Variants in CCDC178 observed in about 807,000 individuals in gnomAD.
The protein encoded by CCDC178 is coiled-coil domain containing 178, also known as coiled-coil domain-containing protein 178.
In CCDC178, 126 loss-of-function variants were observed where a neutral mutation model predicts 117.4. The observed-to-expected ratio is 1.07, with a 90% confidence interval of 0.93 to 1.24. The LOEUF is 1.24. Among genes scored for constraint, CCDC178 ranks in the 50% most tolerant of loss-of-function variants. CCDC178 has a pLI of 0.00. For missense variants in CCDC178, 1,030 were observed against 986.9 expected (o/e 1.04, Z -0.59); for synonymous variants, 283 against 313.4 (o/e 0.90, Z 1.02).
chr18:33,068,469 C>T (rs2057056877), intron 21 of CCDC178, among the ~76,000 whole-genome samples: 1 of 152,050 alleles, frequency 6.6e-6, no homozygotes, highest in Non-Finnish European at 1.5e-5. Context: ...AGATAATATA[C>T]CGTGATCAAG....
intron 20 of CCDC178, among the ~76,000 whole-genome samples, chr18:33,209,848 G>T (rs1163599240): frequency 1.3e-5 from 2 of 151,954 alleles, no homozygotes; most frequent in Non-Finnish European, 2.9e-5. Context: ...TTAAGTGCTA[G>T]AAAGCAATAG....
chr18:32,982,904 G>A (rs752518079), intron 21 of CCDC178, among the ~76,000 whole-genome samples: 3 of 152,144 alleles, frequency 2.0e-5, no homozygotes, highest in South Asian at 2.1e-4. Flanking sequence ...GCCATTATAC[G>A]TTTGTCCAAA....
At chr18:33,224,655 G>A in intron 17 of CCDC178, 120 bp downstream of exon 17, 1 of 563,034 alleles carries the variant, frequency 1.8e-6, no homozygotes, top group Admixed American at 4.1e-5. Flanking sequence ...TCCTGAAATA[G>A]TTACTTAGTT....
At chr18:33,186,968 A>C (rs1462262037) in intron 20 of CCDC178, among the ~76,000 whole-genome samples, 1 of 152,014 alleles carries the variant, frequency 6.6e-6, no homozygotes, top group Non-Finnish European at 1.5e-5. Flanking sequence ...GAACTGCCTG[A>C]GACTGGGTAA....
At chr18:32,991,224 C>A (rs954870757) in intron 21 of CCDC178, among the ~76,000 whole-genome samples, 1 of 152,174 alleles carries the variant, frequency 6.6e-6, no homozygotes, top group Non-Finnish European at 1.5e-5. Flanking sequence ...TGTCTGACTT[C>A]ATATCCTATC....
At chr18:33,246,663 A>G (rs2059552545) in intron 14 of CCDC178, among the ~76,000 whole-genome samples, 2 of 151,848 alleles carry the variant, frequency 1.3e-5, no homozygotes, top group South Asian at 2.1e-4. Context: ...GAAGAAGCAT[A>G]AAACTAGCTG....
chr18:33,244,272 C>G (rs1490887424), intron 15 of CCDC178, among the ~76,000 whole-genome samples: 1 of 151,718 alleles, frequency 6.6e-6, no homozygotes, highest in Non-Finnish European at 1.5e-5. Context: ...AAGAAAATAG[C>G]AAAGACAGGA....
At chr18:33,307,668 G>A (rs750876884) in intron 11 of CCDC178, among the ~76,000 whole-genome samples, 3 of 152,172 alleles carry the variant, frequency 2.0e-5, no homozygotes, top group Non-Finnish European at 4.4e-5. Flanking sequence ...TTACAGGTCT[G>A]GAGGCCTAGG....
chr18:33,355,674 G>A (rs913667687), intron 7 of CCDC178, among the ~76,000 whole-genome samples: 2 of 152,150 alleles, frequency 1.3e-5, no homozygotes, highest in Non-Finnish European at 2.9e-5. Flanking sequence ...ATTTTCGTCT[G>A]GTTAATGCTT....
intron 3 of CCDC178, among the ~76,000 whole-genome samples, chr18:33,399,113 T>C (rs1003351440): frequency 4.0e-5 from 6 of 151,898 alleles, no homozygotes; most frequent in African/African-American, 1.5e-4. Flanking sequence ...GACAAGACAA[T>C]TGCTTGAACC....
At chr18:33,244,019 C>T (rs188005075) in intron 15 of CCDC178, among the ~76,000 whole-genome samples, 1 of 151,994 alleles carries the variant, frequency 6.6e-6, no homozygotes, top group Non-Finnish European at 1.5e-5. Flanking sequence ...TTTGCTTACT[C>T]ACTTATCTCA....
At chr18:33,127,144 T>C (rs1031323536) in intron 20 of CCDC178, among the ~76,000 whole-genome samples, 3 of 151,916 alleles carry the variant, frequency 2.0e-5, no homozygotes, top group Non-Finnish European at 4.4e-5. Flanking sequence ...TTTTTTAGAT[T>C]TATTTGCTTT....
intron 4 of CCDC178, among the ~76,000 whole-genome samples, chr18:33,395,261 T>C (rs1451201279): frequency 1.3e-5 from 2 of 151,810 alleles, no homozygotes; most frequent in African/African-American, 4.8e-5. Flanking sequence ...CTGTACTTCT[T>C]ATAATACATT....
In CCDC178 at chr18:33,293,231, C is replaced by A. The variant is rs138698300; in HGVS notation, c.1104G>T (p.Lys368Asn). The change falls in exon 12 of 23, where the codon AAG becomes AAT. Residue 368 changes from lysine to asparagine, a missense_variant. Coordinates refer to ENST00000383096, the MANE Select transcript of CCDC178 (RefSeq NM_001105528.4). ...TTATTGCTTCAGTCACTTCCTCTTC[C>A]TTCTCCTCAATATTAGTATTAACAT... Reference protein sequence around the residue: ...VINVNTNIEEKEEEVTEAIRE... With the variant: ...VINVNTNIEENEEEVTEAIRE... 6.3e-7 allele frequency: 1 copy of A among 1,582,712 alleles called. No homozygotes were observed. Among genetic ancestry groups the A allele is most frequent in the African/African-American group, 1.3e-5 (1 of 74,318 alleles).
At chr18:33,195,776 T>A (rs1393998269) in intron 20 of CCDC178, among the ~76,000 whole-genome samples, 1 of 152,214 alleles carries the variant, frequency 6.6e-6, no homozygotes, top group African/African-American at 2.4e-5. Flanking sequence ...CAGAGTCCTA[T>A]GATAATAACT....
chr18:33,069,979 T>C (rs1037154955), intron 21 of CCDC178, among the ~76,000 whole-genome samples: 2 of 152,062 alleles, frequency 1.3e-5, no homozygotes, highest in Admixed American at 6.5e-5. Flanking sequence ...AGTGAGATAT[T>C]ATCTTATCCC....
intron 9 of CCDC178, among the ~76,000 whole-genome samples, chr18:33,342,714 C>G (rs557861749): frequency 2.6e-4 from 40 of 152,142 alleles, no homozygotes; most frequent in Non-Finnish European, 4.9e-4. Context: ...GATCTGCGGC[C>G]TGAAGAAGAG....
chr18:33,240,482 G>A (rs1450532780), intron 15 of CCDC178, among the ~76,000 whole-genome samples: 1 of 150,940 alleles, frequency 6.6e-6, no homozygotes, highest in Non-Finnish European at 1.5e-5. Context: ...GCTAGACTAA[G>A]AAAAAAAGAG....
intron 11 of CCDC178, among the ~76,000 whole-genome samples, chr18:33,301,356 C>A (rs929270741): frequency 6.6e-6 from 1 of 152,240 alleles, no homozygotes; most frequent in Non-Finnish European, 1.5e-5. Flanking sequence ...CACAGATAAC[C>A]TCTACTAGGA....
Sources: gnomAD v4.1 joint callset for allele counts (sites outside exome capture counted in the v4.1 genomes callset) on GRCh38, gnomAD v4.1.1 for gene constraint, MANE v1.5 for transcripts, NCBI Gene and HGNC (gene_info 2026-07-23, HGNC 2026-07-21) for gene names.